Variants in QKI observed in about 807,000 individuals in gnomAD.
QKI encodes QKI, KH domain containing RNA binding, also known as KH domain-containing RNA-binding protein QKI.
A neutral mutation model predicts 39.0 loss-of-function variants in QKI; 10 were observed. That is an observed-to-expected ratio of 0.26 (90% CI 0.16 to 0.43). QKI has a LOEUF of 0.43. Among genes scored for constraint, QKI ranks in the 20% least tolerant of loss-of-function variants. The pLI, the probability that QKI is intolerant of heterozygous loss-of-function variation, is 1.00. For missense variants in QKI, 218 were observed against 428.0 expected (o/e 0.51, Z 4.33); for synonymous variants, 204 against 155.4 (o/e 1.31, Z -2.33).
intron 6 of QKI, chr6:163,565,391 A>G (rs1167007148): frequency 3.0e-6 from 3 of 985,864 alleles, no homozygotes; most frequent in Non-Finnish European, 3.6e-6. Context: ...TCAGCGCAAG[A>G]TCTCCCTGAT....
At chr6:163,520,143 T>A (rs1008508568) in intron 3 of QKI, among the ~76,000 whole-genome samples, 2 of 152,160 alleles carry the variant, frequency 1.3e-5, no homozygotes, top group African/African-American at 4.8e-5. Flanking sequence ...ACCATGTCTC[T>A]GAAACTTGAA....
At chr6:163,428,468 A>G (rs1363514876) in intron 1 of QKI, among the ~76,000 whole-genome samples, 1 of 152,180 alleles carries the variant, frequency 6.6e-6, no homozygotes, top group African/African-American at 2.4e-5. Flanking sequence ...ATAGTTTACT[A>G]TATGTTATAT....
At chr6:163,498,797 T>A (rs2128230840) in intron 3 of QKI, among the ~76,000 whole-genome samples, 1 of 152,288 alleles carries the variant, frequency 6.6e-6, no homozygotes, top group African/African-American at 2.4e-5. Flanking sequence ...CGTGCTCATT[T>A]TATTTTTCCA....
At position 163,577,578 on chromosome 6, in the gene QKI, C is replaced by T. The variant is rs1777648556; in HGVS notation, c.*6868C>T. The T allele has an allele frequency of 6.6e-6, 1 of 152,300 alleles. No homozygotes were observed. Among genetic ancestry groups the T allele is most frequent in the African/African-American group, 2.4e-5 (1 of 41,390 alleles). The allele number at this position is 152,300 out of a possible 1,614,324, so 9.4% of individuals were successfully genotyped here. ...AGCCAAGTATTCCCTGGTTAGTCGCCACCCCACCACTCCTTCCTGTCTCTA... is the reference window on the plus strand; with the variant it reads ...AGCCAAGTATTCCCTGGTTAGTCGCTACCCCACCACTCCTTCCTGTCTCTA... On this transcript the variant is annotated 3_prime_UTR_variant, in exon 8 of 8. Transcript: ENST00000361752.
chr6:163,538,764 G>C (rs1781346830), intron 4 of QKI, among the ~76,000 whole-genome samples: 1 of 152,164 alleles, frequency 6.6e-6, no homozygotes, highest in Admixed American at 6.5e-5. Context: ...GAGTAGTGTT[G>C]AAGGTGCTGA....
chr6:163,563,753 C>G, intron 6 of QKI, 34 bp downstream of exon 6: 3 of 1,572,124 alleles, frequency 1.9e-6, no homozygotes, highest in Non-Finnish European at 1.7e-6. Context: ...TAACAACATT[C>G]TCTTTATAAA....
intron 2 of QKI, among the ~76,000 whole-genome samples, chr6:163,463,142 AG>A (rs1052418433): frequency 5.2e-4 from 79 of 152,340 alleles, no homozygotes; most frequent in African/African-American, 1.8e-3. Flanking sequence ...CTATAAACTG[AG>A]TACTAAACAT....
chr6:163,434,157 A>G (rs998845797), intron 1 of QKI, among the ~76,000 whole-genome samples: 2 of 152,276 alleles, frequency 1.3e-5, no homozygotes, highest in African/African-American at 4.8e-5. Context: ...AAGGAGCCAC[A>G]CAATGGCATG....
rs1783801505 is a variant in QKI at position 163,573,218 on chromosome 6, T to A, written c.*2508T>A. 1 of 152,224 alleles carries A rather than the reference T, an allele frequency of 6.6e-6. No homozygotes were observed. Among genetic ancestry groups the A allele is most frequent in the Non-Finnish European group, 1.5e-5 (1 of 68,030 alleles). The allele number at this position is 152,224 out of a possible 1,614,324, so 9.4% of individuals were successfully genotyped here. A position where few individuals can be genotyped will look rare whatever the true frequency, so the allele number is the denominator to read the frequency against. On this transcript the variant is annotated 3_prime_UTR_variant, in exon 8 of 8. Transcript: ENST00000361752. The stretch of plus-strand genomic sequence containing the variant: ...AAAAAAGCATGACTTTTGAAATCTC[T>A]GAATGCCTTGGTTCTCAGTATTATC...
intron 6 of QKI, chr6:163,565,701 C>T (rs1783322268): frequency 8.5e-7 from 1 of 1,170,458 alleles, no homozygotes. Context: ...GCCACCTAAG[C>T]AGTAAAACAT....
chr6:163,502,857 G>A (rs1326124376), intron 3 of QKI, among the ~76,000 whole-genome samples: 1 of 151,948 alleles, frequency 6.6e-6, no homozygotes, highest in Admixed American at 6.6e-5. Flanking sequence ...GTTTTCTTTC[G>A]GATGTATACC....
intron 2 of QKI, among the ~76,000 whole-genome samples, chr6:163,463,314 A>G (rs1190864763): frequency 6.6e-6 from 1 of 152,160 alleles, no homozygotes. Flanking sequence ...GTAACCTCAC[A>G]TGTATTAGAT....
intron 4 of QKI, among the ~76,000 whole-genome samples, chr6:163,546,257 C>T (rs73246654): frequency 0.02 from 3,108 of 151,740 alleles, 107 homozygotes; most frequent in African/African-American, 0.071. Flanking sequence ...TTTCATACAT[C>T]ACTTTAATTT....
intron 1 of QKI, among the ~76,000 whole-genome samples, chr6:163,424,530 A>G (rs1788260514): frequency 6.6e-6 from 1 of 152,180 alleles, no homozygotes; most frequent in Admixed American, 6.5e-5. Context: ...TTCATCTGTG[A>G]ATGAAATTAT....
chr6:163,528,500 G>A (rs188955354), intron 3 of QKI, among the ~76,000 whole-genome samples: 2 of 152,260 alleles, frequency 1.3e-5, no homozygotes, highest in East Asian at 3.9e-4. Flanking sequence ...CATGTTAAAT[G>A]TTGGTAAGAC....
intron 4 of QKI, among the ~76,000 whole-genome samples, chr6:163,548,783 A>G (rs12525535): frequency 0.021 from 3,267 of 152,258 alleles, 49 homozygotes; most frequent in Middle Eastern, 0.068. Flanking sequence ...CATTTTGTCA[A>G]TATCACTCTG....
rs370438474 is a variant in QKI at position 163,554,752 on chromosome 6, A to G, written c.547-7230A>G. Among the ~76,000 whole-genome samples, 7 of 152,310 alleles carry G rather than the reference A, an allele frequency of 4.6e-5. 1 individual carries two copies. The highest frequency in any genetic ancestry group is 1.7e-4 in the African/African-American group (7 of 41,568). ...TACCCTCTGTGTCCAACTGATCATCATGCCTTGTCAGGTTAACATAACTCT... is the reference window on the plus strand; with the variant it reads ...TACCCTCTGTGTCCAACTGATCATCGTGCCTTGTCAGGTTAACATAACTCT... On this transcript the variant is annotated intron_variant, in intron 4 of 7. Coordinates refer to ENST00000361752, the MANE Select transcript of QKI (RefSeq NM_006775.3).
chr6:163,507,304 G>T (rs73244801), intron 3 of QKI, among the ~76,000 whole-genome samples: 2,998 of 152,200 alleles, frequency 0.02, 99 homozygotes, highest in African/African-American at 0.068. Context: ...TTCTGTTTCC[G>T]GTAATGAATG....
intron 3 of QKI, among the ~76,000 whole-genome samples, chr6:163,501,231 C>T (rs1778738216): frequency 6.6e-6 from 1 of 151,432 alleles, no homozygotes; most frequent in Non-Finnish European, 1.5e-5. Context: ...ATGGACTGCT[C>T]ACTAGGTGGC....
Sources: gnomAD v4.1 joint callset for allele counts (sites outside exome capture counted in the v4.1 genomes callset) on GRCh38, gnomAD v4.1.1 for gene constraint, MANE v1.5 for transcripts, NCBI Gene and HGNC (gene_info 2026-07-23, HGNC 2026-07-21) for gene names.